PPP4R1: variants seen among roughly 807,000 people sequenced by gnomAD.
The protein encoded by PPP4R1 is protein phosphatase 4 regulatory subunit 1, also known as serine/threonine-protein phosphatase 4 regulatory subunit 1.
A neutral mutation model predicts 111.2 loss-of-function variants in PPP4R1; 42 were observed. The ratio of observed to expected loss-of-function variants is 0.38; its 90% CI spans 0.29 to 0.49. The LOEUF is 0.49. Ranked by LOEUF, PPP4R1 falls within the 20% of genes least tolerant of loss-of-function variation. The probability of loss-of-function intolerance (pLI) is 0.97; values close to 1 mark genes in which losing one functional copy is unlikely to be tolerated. For missense variants in PPP4R1, 1,012 were observed against 1,161.6 expected (o/e 0.87, Z 1.87); for synonymous variants, 409 against 405.5 (o/e 1.01, Z -0.10).
chr18:9,560,762 G>A (rs2066660487), intron 13 of PPP4R1, among the ~76,000 whole-genome samples: 1 of 152,034 alleles, frequency 6.6e-6, no homozygotes, highest in Non-Finnish European at 1.5e-5. Context: ...GGGGGCTGAG[G>A]CAGAAGGATC....
intron 2 of PPP4R1, among the ~76,000 whole-genome samples, chr18:9,606,907 C>T (rs899716243): frequency 3.3e-5 from 5 of 152,094 alleles, no homozygotes; most frequent in South Asian, 2.1e-4. Context: ...GCACTCTTAA[C>T]GCAATTACTT....
At chr18:9,565,750 T>A (rs1226328151) in intron 11 of PPP4R1, among the ~76,000 whole-genome samples, 1 of 152,196 alleles carries the variant, frequency 6.6e-6, no homozygotes, top group Non-Finnish European at 1.5e-5. Flanking sequence ...GAAGAAAAGC[T>A]GAAAGCTAGC....
At position 9,547,744 on chromosome 18, in the gene PPP4R1, C is replaced by T. The variant is rs765551012; in HGVS notation, c.*45G>A. ...ACATGCGTGGCGAATGCCCACTGAACCTCGGCTCTCATGGAAGCAGGAAAG... is the reference window on the plus strand; with the variant it reads ...ACATGCGTGGCGAATGCCCACTGAATCTCGGCTCTCATGGAAGCAGGAAAG... On this transcript the variant is annotated 3_prime_UTR_variant, in exon 20 of 20. Coordinates refer to ENST00000400556, the MANE Select transcript of PPP4R1 (RefSeq NM_001042388.3). 6.2e-7 allele frequency: 1 copy of T among 1,604,992 alleles called. No homozygotes were observed. Among genetic ancestry groups the T allele is most frequent in the East Asian group, 2.2e-5 (1 of 44,800 alleles).
chr18:9,610,611 C>T (rs1262298332), intron 2 of PPP4R1, among the ~76,000 whole-genome samples: 1 of 150,350 alleles, frequency 6.7e-6, no homozygotes, highest in East Asian at 2.0e-4. Flanking sequence ...TACAGGTGCA[C>T]GCCACCACGC....
rs768742049 is a variant in PPP4R1 at position 9,570,191 on chromosome 18, ATTTTCT to A, written c.1533_1538del (p.Glu512_Asn513del). The A allele has an allele frequency of 2.6e-6, 4 of 1,540,660 alleles. No individual in the cohort carries two copies. The highest frequency in any genetic ancestry group is 3.5e-6 in the Non-Finnish European group (4 of 1,146,130). On this transcript the variant is annotated inframe_deletion, in exon 11 of 20. Transcript: ENST00000400556. Reference sequence around the variant, plus strand: ...CTGGATCATCAATGTGGGGCTCTAGATTTTCTATCATTTCTTCCAGTTCCTTTCTGG... The same window carrying A: ...CTGGATCATCAATGTGGGGCTCTAGAATCATTTCTTCCAGTTCCTTTCTGG...
In PPP4R1 at chr18:9,553,314, G is replaced by A. The variant is rs780029265; in HGVS notation, c.2291+8C>T. Reference sequence around the variant, plus strand: ...CAAAACATAATCTAATAAACTGTTAGAACTTACTCAGCCAGTTCAGCTCGA... The same window carrying A: ...CAAAACATAATCTAATAAACTGTTAAAACTTACTCAGCCAGTTCAGCTCGA... On this transcript the variant is annotated splice_region_variant and intron_variant, in intron 16 of 19. Transcript: ENST00000400556. 6.5e-6 allele frequency: 10 copies of A among 1,549,856 alleles called. No individual in the cohort carries two copies. The highest frequency in any genetic ancestry group is 7.1e-6 in the Non-Finnish European group (8 of 1,123,120).
At chr18:9,557,081 G>T in intron 15 of PPP4R1, 140 bp downstream of exon 15, 1 of 720,680 alleles carries the variant, frequency 1.4e-6, no homozygotes, top group Non-Finnish European at 2.2e-6. Context: ...TCTTTTTTAA[G>T]TTGCATCTTA....
rs750674565 is a variant in PPP4R1, at chr18:9,588,146, G to T, written c.528C>A (p.Val176=). The T allele has an allele frequency of 9.3e-6, 15 of 1,614,156 alleles. No individual in the cohort carries two copies. Among genetic ancestry groups the T allele is most frequent in the Non-Finnish European group, 1.2e-5 (14 of 1,180,014 alleles). The change falls in exon 6 of 20, where the codon GTC becomes GTA. Residue 176 remains valine (V), a synonymous_variant. Coordinates refer to ENST00000400556, the MANE Select transcript of PPP4R1 (RefSeq NM_001042388.3). ...RFDVETKVCP[V]LIELTAPDSN... Reference sequence around the variant, plus strand: ...TATCTGGGGCTGTCAGCTCTATGAGGACAGGGCACACTTTGGTCTCCACAT... The same window carrying T: ...TATCTGGGGCTGTCAGCTCTATGAGTACAGGGCACACTTTGGTCTCCACAT...
At position 9,549,252 on chromosome 18, in the gene PPP4R1, A is replaced by C. The variant is rs767347073; in HGVS notation, c.2634T>G (p.Val878=). Residue 878 remains valine, a synonymous_variant, in exon 19 of 20, where the codon GTT becomes GTG. Coordinates refer to ENST00000400556, the MANE Select transcript of PPP4R1 (RefSeq NM_001042388.3). ...PHLLTLANDR[V]PNVRVLLAKT... is the part of the protein sequence containing the mutation. ...TTGCAAGCAGCACTCGCACGTTAGGAACCCTGTCATTTGCTAAGGTTAGCA... is the reference window on the plus strand; with the variant it reads ...TTGCAAGCAGCACTCGCACGTTAGGCACCCTGTCATTTGCTAAGGTTAGCA... The C allele has an allele frequency of 7.4e-6, 12 of 1,614,108 alleles. No homozygotes were observed. In the South Asian group the frequency reaches 1.3e-4, roughly 18 times the overall value.
Position 9,562,093 on chromosome 18 carries a change from CTACT to C in PPP4R1, c.1747-22_1747-19del. ...TCCATATTCTGTTAGGAAAAAATAA[CTACT>C]TAAAGAGCTGTCCTGTCTGTACATC... On this transcript the variant is annotated intron_variant, in intron 12 of 19. Coordinates refer to ENST00000400556, the MANE Select transcript of PPP4R1 (RefSeq NM_001042388.3). 1.9e-6 allele frequency: 3 copies of C among 1,566,142 alleles called. No homozygotes were observed. The highest frequency in any genetic ancestry group is 2.6e-6 in the Non-Finnish European group (3 of 1,137,204).
intron 15 of PPP4R1, among the ~76,000 whole-genome samples, chr18:9,553,696 G>T (rs909501426): frequency 2.6e-5 from 4 of 152,238 alleles, no homozygotes; most frequent in African/African-American, 9.6e-5. Flanking sequence ...GGCACAGCCT[G>T]ATTACAGGGC....
chr18:9,562,031 C>T lies in PPP4R1; in HGVS notation c.1791G>A (p.Leu597=), dbSNP rs1425880769. 6.2e-7 allele frequency: 1 copy of T among 1,613,316 alleles called. No homozygotes were observed. Among genetic ancestry groups the T allele is most frequent in the East Asian group, 2.2e-5 (1 of 44,790 alleles). The change falls in exon 13 of 20, where the codon TTG becomes TTA. Residue 597 remains leucine, a synonymous_variant. Coordinates refer to ENST00000400556, the MANE Select transcript of PPP4R1 (RefSeq NM_001042388.3). ...TLHYIHSDSD[L]SNNSSFSPDE... ...CAGGGCTAAAACTGCTATTGTTGCT[C>T]AAGTCTGAATCGCTGTGAATATAGT... is the stretch of plus-strand genomic sequence containing the variant.
chr18:9,555,471 A>G (rs2066557665), intron 15 of PPP4R1, among the ~76,000 whole-genome samples: 1 of 152,244 alleles, frequency 6.6e-6, no homozygotes, highest in Non-Finnish European at 1.5e-5. Flanking sequence ...AGAGTTCTAA[A>G]GTATCACCTC....
chr18:9,583,669 A>G (rs1254875387), intron 8 of PPP4R1, among the ~76,000 whole-genome samples: 1 of 152,160 alleles, frequency 6.6e-6, no homozygotes, highest in Non-Finnish European at 1.5e-5. Context: ...GCCCAGCCTC[A>G]GTGTTTTAAA....
chr18:9,573,193 T>C (rs564463393), intron 10 of PPP4R1, among the ~76,000 whole-genome samples: 1 of 152,342 alleles, frequency 6.6e-6, no homozygotes, highest in South Asian at 2.1e-4. Flanking sequence ...ATAAAGAACA[T>C]TAGTGGGCCA....
At chr18:9,604,344 C>A (rs1195267316) in intron 2 of PPP4R1, among the ~76,000 whole-genome samples, 2 of 152,146 alleles carry the variant, frequency 1.3e-5, no homozygotes, top group Non-Finnish European at 2.9e-5. Context: ...TCAATAGATG[C>A]CCTTGCACGC....
At chr18:9,591,569 T>C (rs926034031) in intron 4 of PPP4R1, among the ~76,000 whole-genome samples, 17 of 152,182 alleles carry the variant, frequency 1.1e-4, no homozygotes, top group African/African-American at 3.9e-4. Context: ...AGCTGCTTAT[T>C]TGTCTAAACT....
chr18:9,588,992 G>T, intron 4 of PPP4R1, 139 bp from the exon 5 acceptor site: 1 of 1,051,246 alleles, frequency 9.5e-7, no homozygotes, highest in Non-Finnish European at 1.4e-6. Context: ...CTTTAATTCT[G>T]CATTCCTTTT....
chr18:9,586,414 A>G (rs931430390), intron 6 of PPP4R1, among the ~76,000 whole-genome samples: 25 of 152,164 alleles, frequency 1.6e-4, no homozygotes, highest in African/African-American at 6.0e-4. Context: ...AAAATCCTAA[A>G]GTGAAAAAAG....
Sources: gnomAD v4.1 joint callset for allele counts (sites outside exome capture counted in the v4.1 genomes callset) on GRCh38, gnomAD v4.1.1 for gene constraint, MANE v1.5 for transcripts, NCBI Gene and HGNC (gene_info 2026-07-23, HGNC 2026-07-21) for gene names.